Variants in OVOL2 observed in about 807,000 individuals in gnomAD.
OVOL2 encodes ovo like zinc finger 2, also known as transcription factor Ovo-like 2.
OVOL2 carries 13 observed loss-of-function variants against 18.1 expected under a neutral mutation model. The observed-to-expected ratio is 0.72, with a 90% CI of 0.47 to 1.14. The LOEUF (loss-of-function observed/expected upper bound fraction) is 1.14, where lower values mean the gene tolerates loss of function less well. OVOL2 is among the 50% of genes most tolerant of loss of function. The pLI, the probability that OVOL2 is intolerant of heterozygous loss-of-function variation, is 0.00. For synonymous variants in OVOL2, 166 were observed against 162.7 expected, an observed-to-expected ratio of 1.02 and a Z score of -0.16; for missense variants, 335 against 383.0, an observed-to-expected ratio of 0.87 and a Z score of 1.05.
rs112614185 is a variant in OVOL2 at position 18,037,060 on chromosome 20, T to C, written c.511+4474A>G. On this transcript the variant is annotated intron_variant, in intron 3 of 3. Transcript: ENST00000278780. ...CTGAGGCAGGAGACTGGCGTGAACC[T>C]GGGAGGCGGAGCTTGCAGTGAGCCG... Among the ~76,000 whole-genome samples, 893 of 142,782 alleles carry C rather than the reference T, an allele frequency of 6.3e-3. 21 individuals are homozygous for C. The highest frequency in any genetic ancestry group is 0.023 in the African/African-American group (854 of 37,572). The allele number at this position is 142,782 out of a possible 152,430, so 93.7% of individuals were successfully genotyped here. A position where few individuals can be genotyped will look rare whatever the true frequency, so the allele number is the denominator to read the frequency against.
Position 18,056,923 on chromosome 20 carries a change from C to G in OVOL2, c.101-46G>C. The G allele has an allele frequency of 7.0e-7, 1 of 1,438,414 alleles. No individual in the cohort carries two copies. Among genetic ancestry groups the G allele is most frequent in the Non-Finnish European group, 9.1e-7 (1 of 1,104,790 alleles). The allele number at this position is 1,438,414 out of a possible 1,614,324, so 89.1% of individuals were successfully genotyped here. A position where few individuals can be genotyped will look rare whatever the true frequency, so the allele number is the denominator to read the frequency against. On this transcript the variant is annotated intron_variant, in intron 1 of 3. Coordinates refer to ENST00000278780, the MANE Select transcript of OVOL2 (RefSeq NM_021220.4). The surrounding 1 kb of genome is among the most constrained non-coding windows in gnomAD (Gnocchi z 4.2). ...CCCCGACACACACACTCGGCGTCAA[C>G]CCGCACGCCCGCGGCAGTTTGACCT...
At chr20:18,039,928 T>G in intron 3 of OVOL2, among the ~76,000 whole-genome samples, 1 of 151,148 alleles carries the variant, frequency 6.6e-6, no homozygotes, top group East Asian at 1.9e-4. Context: ...TAGCAAACCC[T>G]TTTTTTTTCC....
chr20:18,036,907 C>G (rs1031080030), intron 3 of OVOL2, among the ~76,000 whole-genome samples: 2 of 152,002 alleles, frequency 1.3e-5, no homozygotes, highest in South Asian at 4.1e-4. Flanking sequence ...GAGGCCGAGG[C>G]GGGCGGATCA....
At chr20:18,032,368 G>A (rs2036579208) in intron 3 of OVOL2, among the ~76,000 whole-genome samples, 1 of 146,208 alleles carries the variant, frequency 6.8e-6, no homozygotes, top group African/African-American at 2.6e-5. Context: ...GAAAAAAGAA[G>A]GAAGGGAAGG....
intron 3 of OVOL2, among the ~76,000 whole-genome samples, chr20:18,034,070 A>AACTTC: frequency 6.6e-6 from 1 of 152,228 alleles, no homozygotes; most frequent in African/African-American, 2.4e-5. Flanking sequence ...TGATCCTGTC[A>AACTTC]ACTTCACTGA....
chr20:18,037,722 T>A (rs777603603), intron 3 of OVOL2, among the ~76,000 whole-genome samples: 24 of 152,180 alleles, frequency 1.6e-4, no homozygotes, highest in Non-Finnish European at 3.1e-4. Flanking sequence ...TGGGGGTTGA[T>A]TGAGCAACCT....
upstream of OVOL2, among the ~76,000 whole-genome samples, chr20:18,058,291 T>A (rs1266313229): frequency 1.3e-5 from 2 of 151,882 alleles, no homozygotes; most frequent in African/African-American, 4.8e-5. Flanking sequence ...TTCCTGGGGC[T>A]TGATGAAATC....
chr20:18,024,779 G>T lies in OVOL2; in HGVS notation c.685C>A (p.Leu229Met), dbSNP rs1433200393. The change falls in exon 4 of 4, where the codon CTG becomes ATG. Residue 229 changes from leucine (L) to methionine (M), a missense_variant. Transcript: ENST00000278780. Reference protein sequence around the residue: ...CGYTGPTQEDLYLHVNSAHPG... With the variant: ...CGYTGPTQEDMYLHVNSAHPG... ...TGGGCACTGTTCACGTGCAGGTACA[G>T]GTCCTCCTGGGTGGGGCCCGTGTAG... 11 of 1,614,100 alleles carry T rather than the reference G, an allele frequency of 6.8e-6. No homozygotes were observed. Among genetic ancestry groups the T allele is most frequent in the African/African-American group, 2.7e-5 (2 of 74,926 alleles).
At chr20:18,025,524 G>A (rs1420267927) in intron 3 of OVOL2, among the ~76,000 whole-genome samples, 6 of 152,084 alleles carry the variant, frequency 3.9e-5, no homozygotes, top group African/African-American at 1.4e-4. Context: ...AGCTGAGATC[G>A]AGCCACTGCA....
At chr20:18,039,596 A>C (rs964262311) in intron 3 of OVOL2, among the ~76,000 whole-genome samples, 1 of 130,038 alleles carries the variant, frequency 7.7e-6, no homozygotes, top group African/African-American at 2.8e-5. Flanking sequence ...TGAGAGAGCA[A>C]GACGCTGTCT....
intron 3 of OVOL2, among the ~76,000 whole-genome samples, chr20:18,040,333 G>C (rs539226675): frequency 2.6e-5 from 4 of 152,264 alleles, no homozygotes; most frequent in East Asian, 1.9e-4. Context: ...GTTGGAGTGA[G>C]ATGGGCTGAT....
chr20:18,024,864 C>T lies in OVOL2; in HGVS notation c.600G>A (p.Val200=). 1.2e-6 allele frequency: 2 copies of T among 1,614,242 alleles called. No individual in the cohort carries two copies. Among genetic ancestry groups the T allele is most frequent in the Non-Finnish European group, 1.7e-6 (2 of 1,180,044 alleles). ...LESHLKKIHG[V]QQQYAYKQRR... ...GCTGCTTATAGGCATACTGCTGCTG[C>T]ACCCCATGGATTTTCTTCAGGTGGG... The change falls in exon 4 of 4, where the codon GTG becomes GTA. Residue 200 remains valine (V), a synonymous_variant. Transcript: ENST00000278780.
chr20:18,039,607 C>CAAAAAAAAAAAAAAAAAAAAAAAAAAAA (rs111619803), intron 3 of OVOL2, among the ~76,000 whole-genome samples: 1 of 87,056 alleles, frequency 1.1e-5, no homozygotes, highest in African/African-American at 4.0e-5. Context: ...GACGCTGTCT[C>CAAAAAAAAAAAAAAAAAAAAAAAAAAAA]AAAAAAAAAA....
At chr20:18,035,132 A>C (rs2122699892) in intron 3 of OVOL2, among the ~76,000 whole-genome samples, 1 of 152,336 alleles carries the variant, frequency 6.6e-6, no homozygotes, top group East Asian at 1.9e-4. Flanking sequence ...TAGCAAAAAT[A>C]CAACACTCAC....
rs1555794800 is a variant in OVOL2, at chr20:18,034,651, TCACA to T, written c.511+6879_511+6882del. 1.1e-3 allele frequency among the ~76,000 whole-genome samples: 162 copies of T among 145,628 alleles called. 2 individuals carry two copies. In the South Asian group the frequency reaches 0.011, roughly 10 times the overall value. ...TTCTCTCTCTCTCTCTCTCTCTCTC[TCACA>T]CACACACACACACACACCCCTCCGA... On this transcript the variant is annotated intron_variant, in intron 3 of 3. Transcript: ENST00000278780.
At chr20:18,054,127 G>A (rs940216627) in intron 2 of OVOL2, among the ~76,000 whole-genome samples, 10 of 152,130 alleles carry the variant, frequency 6.6e-5, no homozygotes, top group Non-Finnish European at 1.3e-4. Context: ...TGGTTATTGG[G>A]CACATACCAT....
At chr20:18,034,400 C>T (rs1051289006) in intron 3 of OVOL2, among the ~76,000 whole-genome samples, 4 of 152,204 alleles carry the variant, frequency 2.6e-5, no homozygotes, top group Admixed American at 2.6e-4. Context: ...TGCACTCCAG[C>T]TAACAGCAAA....
chr20:18,033,319 C>T (rs960609319), intron 3 of OVOL2, among the ~76,000 whole-genome samples: 7 of 152,206 alleles, frequency 4.6e-5, no homozygotes, highest in African/African-American at 1.4e-4. Flanking sequence ...TGGAATTCCT[C>T]GGCTTCACCC....
chr20:18,046,377 C>T (rs1051662967), intron 2 of OVOL2, among the ~76,000 whole-genome samples: 18 of 152,154 alleles, frequency 1.2e-4, no homozygotes, highest in African/African-American at 4.3e-4. Context: ...AGGCTAGAAG[C>T]AGTTCAAGTG....
Sources: allele counts gnomAD v4.1 joint callset (sites outside exome capture counted in the v4.1 genomes callset), GRCh38; gene constraint gnomAD v4.1.1; non-coding constraint Gnocchi (gnomAD v3.1); transcripts MANE v1.5; gene names NCBI Gene and HGNC (gene_info 2026-07-23, HGNC 2026-07-21).